PALLD: variants seen among roughly 807,000 people sequenced by gnomAD.
PALLD encodes the protein palladin, cytoskeletal associated protein, also known as palladin.
A neutral mutation model predicts 123.5 loss-of-function variants in PALLD; 61 were observed. That is an observed-to-expected ratio of 0.49 (90% confidence interval 0.40 to 0.61). PALLD has a LOEUF of 0.61. Among genes scored for constraint, PALLD ranks in the 20% least tolerant of loss-of-function variants. PALLD has a pLI of 0.00. For synonymous variants in PALLD, 465 were observed against 496.4 expected, an observed-to-expected ratio of 0.94 and a Z score of 0.84; for missense variants, 1,273 against 1,377.0, an observed-to-expected ratio of 0.92 and a Z score of 1.20.
intron 2 of PALLD, among the ~76,000 whole-genome samples, chr4:168,660,706 T>C (rs1779045874): frequency 6.6e-6 from 1 of 152,150 alleles, no homozygotes; most frequent in Non-Finnish European, 1.5e-5. Flanking sequence ...AACTATAATG[T>C]TACAATCCTT....
At chr4:168,787,615 G>A (rs1366564009) in intron 10 of PALLD, among the ~76,000 whole-genome samples, 1 of 152,202 alleles carries the variant, frequency 6.6e-6, no homozygotes, top group Non-Finnish European at 1.5e-5. Context: ...AGAGATATAG[G>A]ACATTTATGT....
chr4:168,725,677 C>T (rs754364804), intron 10 of PALLD, among the ~76,000 whole-genome samples: 4 of 151,786 alleles, frequency 2.6e-5, no homozygotes, highest in Non-Finnish European at 5.9e-5. Flanking sequence ...CAGGCACCTG[C>T]CACCACGCCC....
At chr4:168,525,483 G>A (rs11940081) in intron 2 of PALLD, among the ~76,000 whole-genome samples, 10,715 of 152,164 alleles carry the variant, frequency 0.07, 682 homozygotes, top group African/African-American at 0.17. Context: ...AAGGAATGGC[G>A]TGCCTCAGTT....
chr4:168,747,890 A>G (rs1730532142), intron 10 of PALLD, among the ~76,000 whole-genome samples: 1 of 152,188 alleles, frequency 6.6e-6, no homozygotes, highest in Admixed American at 6.5e-5. Flanking sequence ...TGCCCATTTT[A>G]TGGTAGTATT....
At chr4:168,918,465 A>G (rs1208813020) in intron 17 of PALLD, among the ~76,000 whole-genome samples, 1 of 152,170 alleles carries the variant, frequency 6.6e-6, no homozygotes, top group Non-Finnish European at 1.5e-5. Context: ...GATCTTACTT[A>G]TATGTGCAAT....
At chr4:168,866,368 C>A (rs1458094220) in intron 10 of PALLD, among the ~76,000 whole-genome samples, 1 of 151,710 alleles carries the variant, frequency 6.6e-6, no homozygotes, top group African/African-American at 2.4e-5. Flanking sequence ...CTACCACAAA[C>A]GTGTTCAAAA....
At chr4:168,670,739 C>CAAAA (rs752284669) in intron 3 of PALLD, among the ~76,000 whole-genome samples, 9 of 45,052 alleles carry the variant, frequency 2.0e-4, no homozygotes, top group Non-Finnish European at 3.0e-4. Context: ...GACTCCGTCT[C>CAAAA]AAAAAAACAA....
At chr4:168,784,485 G>A (rs1016457351) in intron 10 of PALLD, among the ~76,000 whole-genome samples, 3 of 152,202 alleles carry the variant, frequency 2.0e-5, no homozygotes, top group Non-Finnish European at 4.4e-5. Context: ...TGTATTGGAG[G>A]TACTGGTGCC....
rs538219092 is a variant in PALLD at position 168,674,158 on chromosome 4, G to T, written c.1087+5790G>T. On this transcript the variant is annotated intron_variant, in intron 3 of 21. Coordinates refer to ENST00000505667, the MANE Select transcript of PALLD (RefSeq NM_001166108.2). ...TCAAACTCCTGACCTCAAGTGATCC[G>T]CCCACCTTGGCCTCCCAAAGTGCTA... Among the ~76,000 whole-genome samples, 50 of 152,188 alleles carry T rather than the reference G, an allele frequency of 3.3e-4. No homozygotes were observed. The South Asian group carries it at 6.9e-3, about 21-fold the overall frequency.
At chr4:168,571,853 G>A (rs906006534) in intron 2 of PALLD, among the ~76,000 whole-genome samples, 2 of 152,108 alleles carry the variant, frequency 1.3e-5, no homozygotes, top group Non-Finnish European at 2.9e-5. Context: ...ATTGCCTCGA[G>A]ACTACTGTAG....
At chr4:168,819,584 C>T (rs1365325601) in intron 10 of PALLD, among the ~76,000 whole-genome samples, 1 of 152,186 alleles carries the variant, frequency 6.6e-6, no homozygotes, top group Non-Finnish European at 1.5e-5. Flanking sequence ...TTTAATCTTT[C>T]CATGCTTTTG....
At chr4:168,656,237 A>ATAATCCATTCTCCAC (rs1778546527) in intron 2 of PALLD, among the ~76,000 whole-genome samples, 1 of 102,416 alleles carries the variant, frequency 9.8e-6, no homozygotes, top group African/African-American at 3.7e-5. Flanking sequence ...TCCATTCTCC[A>ATAATCCATTCTCCAC]CCCCCCCACC....
Position 168,834,457 on chromosome 4 carries a change from G to T in PALLD, c.1965-56465G>T, listed in dbSNP as rs72621979. Among the ~76,000 whole-genome samples the T allele has an allele frequency of 7.2e-3, 1,096 of 152,230 alleles. 45 individuals are homozygous for T. In the East Asian group the frequency reaches 0.12, roughly 17 times the overall value. ...TTTAATATTTTTAAAGGTAACAATA[G>T]GCCGGGCATAGAGACTCACACCTGT... On this transcript the variant is annotated intron_variant, in intron 10 of 21. Transcript: ENST00000505667.
At chr4:168,789,230 A>C (rs1737169985) in intron 10 of PALLD, among the ~76,000 whole-genome samples, 2 of 152,332 alleles carry the variant, frequency 1.3e-5, no homozygotes, top group African/African-American at 4.8e-5. Context: ...CTAGAACATT[A>C]TACCATCTTT....
intron 2 of PALLD, among the ~76,000 whole-genome samples, chr4:168,599,305 T>C (rs57204730): frequency 0.099 from 15,066 of 152,240 alleles, 811 homozygotes; most frequent in Admixed American, 0.13. Flanking sequence ...CACAATAAAT[T>C]GGCTTACTAT....
At chr4:168,892,219 G>T (rs1754251561) in intron 11 of PALLD, among the ~76,000 whole-genome samples, 1 of 152,060 alleles carries the variant, frequency 6.6e-6, no homozygotes. Flanking sequence ...TAGAAAATAA[G>T]ACTTACCAGG....
chr4:168,748,438 A>G (rs888619155), intron 10 of PALLD, among the ~76,000 whole-genome samples: 6 of 152,372 alleles, frequency 3.9e-5, no homozygotes, highest in Middle Eastern at 3.4e-3. Flanking sequence ...GGGTGAATAT[A>G]TCAAATCCTT....
At chr4:168,730,330 T>C (rs1053506582) in intron 10 of PALLD, among the ~76,000 whole-genome samples, 21 of 152,222 alleles carry the variant, frequency 1.4e-4, no homozygotes, top group Non-Finnish European at 1.5e-5. Flanking sequence ...TATTCTTTCA[T>C]GGCATTCTGT....
At chr4:168,544,557 C>G (rs539779480) in intron 2 of PALLD, among the ~76,000 whole-genome samples, 1 of 152,102 alleles carries the variant, frequency 6.6e-6, no homozygotes, top group Non-Finnish European at 1.5e-5. Flanking sequence ...ATTTTTTATC[C>G]TAATTTAAAA....
Sources: allele counts gnomAD v4.1 joint callset (sites outside exome capture counted in the v4.1 genomes callset), GRCh38; gene constraint gnomAD v4.1.1; transcripts MANE v1.5; gene names NCBI Gene and HGNC (gene_info 2026-07-23, HGNC 2026-07-21).